The following ANO2 variants were observed in gnomAD, a reference collection of about 807,000 sequenced individuals.
The protein encoded by ANO2 is anoctamin-2.
A neutral mutation model predicts 124.2 loss-of-function variants in ANO2; 101 were observed. That is an observed-to-expected ratio of 0.81 (90% CI 0.69 to 0.96). ANO2 has a LOEUF of 0.96. Ranked by LOEUF, ANO2 falls within the 40% of genes least tolerant of loss-of-function variation. The probability of loss-of-function intolerance (pLI) is 0.00; values close to 1 mark genes in which losing one functional copy is unlikely to be tolerated. For synonymous variants in ANO2, 486 were observed against 482.5 expected (o/e 1.01, Z -0.09); for missense variants, 1,293 against 1,274.5 (o/e 1.01, Z -0.22).
At chr12:5,858,004 G>A (rs1209354084) in intron 3 of ANO2, among the ~76,000 whole-genome samples, 1 of 152,214 alleles carries the variant, frequency 6.6e-6, no homozygotes, top group African/African-American at 2.4e-5. Flanking sequence ...GCATAGAATT[G>A]TGGTTATTAG....
intron 7 of ANO2, among the ~76,000 whole-genome samples, chr12:5,824,393 C>A (rs1015975173): frequency 6.6e-6 from 1 of 152,206 alleles, no homozygotes; most frequent in African/African-American, 2.4e-5. Context: ...CCTAAACCAT[C>A]TTTGTCAAGT....
At chr12:5,867,653 A>G (rs1448884564) in intron 3 of ANO2, among the ~76,000 whole-genome samples, 2 of 152,162 alleles carry the variant, frequency 1.3e-5, no homozygotes, top group Non-Finnish European at 2.9e-5. Context: ...GCCTTGAGAG[A>G]TATTAAGGTA....
At chr12:5,929,654 T>TTTCC (rs200149579) in intron 1 of ANO2, among the ~76,000 whole-genome samples, 32,783 of 33,198 alleles carry the variant, frequency 0.99, 16,261 homozygotes, top group East Asian at 1. Context: ...GTCTACCTTC[T>TTTCC]TTATTAGTCA....
At chr12:5,793,923 A>C (rs1285540926) in intron 10 of ANO2, among the ~76,000 whole-genome samples, 1 of 152,208 alleles carries the variant, frequency 6.6e-6, no homozygotes, top group Non-Finnish European at 1.5e-5. Context: ...GTGGCACTCC[A>C]TGGAGGAAAT....
At chr12:5,574,828 T>C (rs1942311182) in intron 23 of ANO2, among the ~76,000 whole-genome samples, 1 of 152,194 alleles carries the variant, frequency 6.6e-6, no homozygotes, top group Non-Finnish European at 1.5e-5. Context: ...TGTCTTCCTA[T>C]TGCATCACAT....
chr12:5,783,133 C>T (rs1215922370), intron 10 of ANO2, among the ~76,000 whole-genome samples: 1 of 152,246 alleles, frequency 6.6e-6, no homozygotes, highest in African/African-American at 2.4e-5. Context: ...GGGTGCTTAA[C>T]TCACCTAACA....
At chr12:5,901,183 C>A (rs181708406) in intron 3 of ANO2, among the ~76,000 whole-genome samples, 25 of 152,172 alleles carry the variant, frequency 1.6e-4, no homozygotes, top group African/African-American at 5.8e-4. Context: ...TGGAAAAATG[C>A]GGCCTTTGCA....
Position 5,800,405 on chromosome 12 carries a change from G to A in ANO2, c.991-834C>T, listed in dbSNP as rs150418938. 5.4e-3 allele frequency among the ~76,000 whole-genome samples: 815 copies of A among 152,310 alleles called. 5 individuals carry two copies. The highest frequency in any genetic ancestry group is 0.017 in the African/African-American group (722 of 41,552). ...CACTGGGAGATTTGCAGTAGAGGGC[G>A]AAACAATCTGACTGAGATTGCAGAA... is the stretch of plus-strand genomic sequence containing the variant. On this transcript the variant is annotated intron_variant, in intron 9 of 24. Transcript: ENST00000682330.
At chr12:5,770,129 T>C (rs746921610) in intron 10 of ANO2, among the ~76,000 whole-genome samples, 1 of 152,204 alleles carries the variant, frequency 6.6e-6, no homozygotes, top group Non-Finnish European at 1.5e-5. Context: ...TCTTAACTAC[T>C]AGGCCACATG....
rs962900253 is a variant in ANO2 at position 5,787,544 on chromosome 12, C to A, written c.1055+11963G>T. 6.6e-6 allele frequency among the ~76,000 whole-genome samples: 1 copy of A among 152,134 alleles called. No individual in the cohort carries two copies. Among genetic ancestry groups the A allele is most frequent in the African/African-American group, 2.4e-5 (1 of 41,426 alleles). The stretch of plus-strand genomic sequence containing the variant: ...TAATAATGTCTTTGTGCTTCAATTT[C>A]CTCTTCTGTATAATGAGGATGATAG... On this transcript the variant is annotated intron_variant, in intron 10 of 24. Coordinates refer to ENST00000682330, the MANE Select transcript of ANO2 (RefSeq NM_001364791.2). The surrounding 1 kb of genome is among the most constrained non-coding windows in gnomAD (Gnocchi z 4.2).
At chr12:5,770,027 T>A (rs1158041939) in intron 10 of ANO2, among the ~76,000 whole-genome samples, 1 of 152,104 alleles carries the variant, frequency 6.6e-6, no homozygotes, top group Non-Finnish European at 1.5e-5. Context: ...AATGGAAGCT[T>A]AAAGGTGAAA....
intron 14 of ANO2, among the ~76,000 whole-genome samples, chr12:5,668,516 A>G: frequency 6.6e-6 from 1 of 152,112 alleles, no homozygotes; most frequent in East Asian, 1.9e-4. Flanking sequence ...ACTCTGCAAT[A>G]GTTTCTTACC....
At chr12:5,563,644 C>T in intron 24 of ANO2, 76 bp from the exon 25 acceptor site, 1 of 1,560,846 alleles carries the variant, frequency 6.4e-7, no homozygotes, top group East Asian at 2.2e-5. Context: ...GAGCAGAATG[C>T]CTCTGTGTCA....
At chr12:5,630,067 T>C (rs1385788329) in intron 16 of ANO2, among the ~76,000 whole-genome samples, 1 of 152,232 alleles carries the variant, frequency 6.6e-6, no homozygotes, top group African/African-American at 2.4e-5. Flanking sequence ...CAGATAGGCC[T>C]GACACCTCAG....
chr12:5,806,218 G>A (rs1256893637), intron 8 of ANO2, 125 bp from the exon 9 acceptor site: 4 of 982,202 alleles, frequency 4.1e-6, no homozygotes, highest in Admixed American at 2.7e-5. Context: ...TTTAAGGAAG[G>A]TCAAAAGCAT....
At chr12:5,693,356 A>G (rs554315013) in intron 14 of ANO2, among the ~76,000 whole-genome samples, 148 of 151,946 alleles carry the variant, frequency 9.7e-4, no homozygotes, top group African/African-American at 3.2e-3. Context: ...CCTCACACTC[A>G]CTCCATGAAC....
chr12:5,701,207 C>CA (rs1472498345), intron 14 of ANO2, among the ~76,000 whole-genome samples: 1 of 147,782 alleles, frequency 6.8e-6, no homozygotes, highest in Admixed American at 6.9e-5. Context: ...GCGGGGTCTA[C>CA]AGATATCATT....
At chr12:5,791,808 A>G (rs1453701061) in intron 10 of ANO2, among the ~76,000 whole-genome samples, 1 of 152,186 alleles carries the variant, frequency 6.6e-6, no homozygotes, top group Non-Finnish European at 1.5e-5. Context: ...CAGTAATACA[A>G]TATGATTATA....
At chr12:5,587,808 G>A (rs149742546) in intron 20 of ANO2, among the ~76,000 whole-genome samples, 30 of 152,194 alleles carry the variant, frequency 2.0e-4, no homozygotes, top group Non-Finnish European at 1.3e-4. Context: ...GGCCTGAGGA[G>A]GCTCCCCACC....
Sources: allele counts gnomAD v4.1 joint callset (sites outside exome capture counted in the v4.1 genomes callset), GRCh38; gene constraint gnomAD v4.1.1; non-coding constraint Gnocchi (gnomAD v3.1); transcripts MANE v1.5; gene names NCBI Gene and HGNC (gene_info 2026-07-23, HGNC 2026-07-21).